XRRA1: variants seen among roughly 807,000 people sequenced by gnomAD.
The protein encoded by XRRA1 is X-ray radiation resistance associated 1.
In XRRA1, 69 loss-of-function variants were observed where a neutral mutation model predicts 80.2. The ratio of observed to expected loss-of-function variants is 0.86; its 90% CI spans 0.71 to 1.05. XRRA1 has a LOEUF of 1.05. XRRA1 is among the 50% of genes least tolerant of loss of function. XRRA1 has a pLI of 0.00. For synonymous variants in XRRA1, 348 were observed against 389.9 expected (o/e 0.89, Z 1.27); for missense variants, 967 against 976.4 (o/e 0.99, Z 0.13).
intron 4 of XRRA1, among the ~76,000 whole-genome samples, chr11:74,934,816 C>G (rs575539027): frequency 1.3e-5 from 2 of 152,058 alleles, no homozygotes; most frequent in South Asian, 4.2e-4. Context: ...TAGCAGGGGG[C>G]TGATAGTAAT....
chr11:74,942,438 T>C (rs1946509807), intron 2 of XRRA1, among the ~76,000 whole-genome samples: 1 of 152,092 alleles, frequency 6.6e-6, no homozygotes, highest in Non-Finnish European at 1.5e-5. Context: ...AGCAGTGAGA[T>C]GGAAGGTAAA....
intron 1 of XRRA1, among the ~76,000 whole-genome samples, chr11:74,946,264 A>G (rs1295669169): frequency 1.3e-5 from 2 of 152,292 alleles, no homozygotes; most frequent in East Asian, 1.9e-4. Context: ...TTCTTAATGG[A>G]GGCACTAACA....
At chr11:74,932,121 G>A (rs905310881) in intron 5 of XRRA1, among the ~76,000 whole-genome samples, 1 of 151,996 alleles carries the variant, frequency 6.6e-6, no homozygotes, top group African/African-American at 2.4e-5. Context: ...ACACATTCTG[G>A]ATCCCAATAC....
At chr11:74,927,559 A>G in intron 6 of XRRA1, 71 bp from the exon 7 acceptor site, 1 of 1,055,972 alleles carries the variant, frequency 9.5e-7, no homozygotes, top group Non-Finnish European at 1.5e-6. Context: ...AATAATTACC[A>G]TTTACTGTGT....
rs2039994322 is a variant in XRRA1, at chr11:74,852,011, G to A, written c.1242C>T (p.Asn414=). The A allele has an allele frequency of 6.2e-7, 1 of 1,613,940 alleles. No homozygotes were observed. Among genetic ancestry groups the A allele is most frequent in the Non-Finnish European group, 8.5e-7 (1 of 1,179,850 alleles). ...PSLCEFVFHN[N]PLVAHTRGVP... Reference sequence around the variant, plus strand: ...TACCTCGTGTATGGGCCACCAGAGGGTTGTTATGAAAGACGAACTCGCAGA... The same window carrying A: ...TACCTCGTGTATGGGCCACCAGAGGATTGTTATGAAAGACGAACTCGCAGA... Residue 414 remains asparagine, a synonymous_variant, in exon 13 of 19, where the codon AAC becomes AAT. Transcript: ENST00000684022.
At position 74,931,326 on chromosome 11, in the gene XRRA1, A is replaced by ATT. The variant is rs548989090; in HGVS notation, c.352-956_352-955dup. On this transcript the variant is annotated intron_variant, in intron 5 of 18. Coordinates refer to ENST00000684022, the MANE Select transcript of XRRA1 (RefSeq NM_001378157.1). ...TGTTGACAGTTGTAGTTCTAGTTCA[A>ATT]TTTTTTTTTTTTTTTTGAGACAAAG... 7.0e-3 allele frequency among the ~76,000 whole-genome samples: 985 copies of ATT among 140,934 alleles called. 12 individuals carry two copies. The highest frequency in any genetic ancestry group is 0.025 in the African/African-American group (940 of 38,280). The allele number at this position is 140,934 out of a possible 152,430, so 92.5% of individuals were successfully genotyped here. A position where few individuals can be genotyped will look rare whatever the true frequency, so the allele number is the denominator to read the frequency against.
rs200978302 is a variant in XRRA1, at chr11:74,852,031, C to T, written c.1222G>A (p.Glu408Lys). 1.1e-5 allele frequency: 17 copies of T among 1,613,780 alleles called. No homozygotes were observed. The highest frequency in any genetic ancestry group is 5.3e-5 in the African/African-American group (4 of 74,896). ...LPVALFPSLC[E>K]FVFHNNPLVA... ...AGAGGGTTGTTATGAAAGACGAACT[C>T]GCAGAGAGATGGGAAGAGAGCTACT... The change falls in exon 13 of 19, where the codon GAG (glutamate) becomes AAG (lysine). Residue 408 changes from glutamate (E) to lysine (K), a missense_variant. Physicochemically the swap from Glu to Lys is moderately conservative, Grantham distance 56 (BLOSUM62 1). Coordinates refer to ENST00000684022, the MANE Select transcript of XRRA1 (RefSeq NM_001378157.1).
chr11:74,894,823 T>C (rs748890064), intron 10 of XRRA1, among the ~76,000 whole-genome samples: 1 of 152,286 alleles, frequency 6.6e-6, no homozygotes, highest in African/African-American at 2.4e-5. Context: ...TATACTATTA[T>C]AGATAAAATT....
At chr11:74,943,891 G>A (rs914832253) in intron 2 of XRRA1, among the ~76,000 whole-genome samples, 3 of 151,742 alleles carry the variant, frequency 2.0e-5, no homozygotes, top group South Asian at 2.1e-4. Context: ...GCACAATCAC[G>A]GCTCATTGTA....
intron 7 of XRRA1, among the ~76,000 whole-genome samples, chr11:74,924,173 T>TA (rs933611753): frequency 2.0e-4 from 29 of 143,452 alleles, no homozygotes; most frequent in South Asian, 7.4e-4. Flanking sequence ...TTGAAAAAAA[T>TA]AAAAAAAAAG....
Position 74,936,972 on chromosome 11 carries a change from G to A in XRRA1, c.191C>T (p.Ala64Val), listed in dbSNP as rs770418311. The change falls in exon 4 of 19, where the codon GCG becomes GTG. Residue 64 changes from alanine to valine, a missense_variant. Transcript: ENST00000684022. ...CTTCCCCTTGAACTCAAAAGAAGTC[G>A]CCTTCAGGCTTTCCCGACGTTCAGC... ...AQAERRESLK[A>V]TSFEFKGKKE... The A allele has an allele frequency of 2.7e-5, 44 of 1,613,562 alleles. No homozygotes were observed. The highest frequency in any genetic ancestry group is 2.2e-4 in the Admixed American group (13 of 59,940).
rs1243626016 is a variant in XRRA1, at chr11:74,848,254, G to A, written c.1589C>T (p.Pro530Leu). 5.6e-6 allele frequency: 9 copies of A among 1,613,916 alleles called. No individual in the cohort carries two copies. Among genetic ancestry groups the A allele is most frequent in the Non-Finnish European group, 7.6e-6 (9 of 1,179,842 alleles). Reference sequence around the variant, plus strand: ...GGAGTTGGAGCAGATGGGAGGCAGTGGCACGAAGGTCCGGCAAGACGGGGA... The same window carrying A: ...GGAGTTGGAGCAGATGGGAGGCAGTAGCACGAAGGTCCGGCAAGACGGGGA... The part of the protein sequence containing the change: ...GHSPSCRTFV[P>L]LPPICSNSTV... Residue 530 changes from proline (P) to leucine (L), a missense_variant, in exon 15 of 19, where the codon CCA becomes CTA. Pro to Leu is a moderately conservative substitution (Grantham distance 98). Coordinates refer to ENST00000684022, the MANE Select transcript of XRRA1 (RefSeq NM_001378157.1).
chr11:74,905,687 T>A (rs200355460), intron 10 of XRRA1, among the ~76,000 whole-genome samples: 1 of 152,258 alleles, frequency 6.6e-6, no homozygotes, highest in East Asian at 1.9e-4. Flanking sequence ...TTTCCAACTT[T>A]TATAAACTAG....
chr11:74,852,631 C>T (rs934279599), intron 12 of XRRA1, among the ~76,000 whole-genome samples: 24 of 152,130 alleles, frequency 1.6e-4, no homozygotes, highest in African/African-American at 4.8e-4. Context: ...TAAGTAGAGC[C>T]AGTGTTAAGA....
intron 3 of XRRA1, among the ~76,000 whole-genome samples, chr11:74,939,846 AG>A (rs1359614664): frequency 1.9e-4 from 9 of 47,082 alleles, no homozygotes; most frequent in African/African-American, 6.4e-4. Context: ...AGTGACATAG[AG>A]AGAGAGAGAG....
intron 15 of XRRA1, 38 bp from the exon 16 acceptor site, chr11:74,845,309 T>C (rs754308845): frequency 3.3e-6 from 5 of 1,524,056 alleles, no homozygotes; most frequent in Non-Finnish European, 4.5e-6. Context: ...TTGTCACTCA[T>C]TCATTCATTC....
Position 74,842,400 on chromosome 11 carries a change from C to T in XRRA1, c.*800G>A, listed in dbSNP as rs1192684869. ...CAAGTTGAGAATACAGTAAAGGAAA[C>T]TCATGAAAGTGGATGTTCTGTTTAT... On this transcript the variant is annotated 3_prime_UTR_variant, in exon 19 of 19. Transcript: ENST00000684022. 6.6e-6 allele frequency: 1 copy of T among 152,246 alleles called. No individual in the cohort carries two copies. The highest frequency in any genetic ancestry group is 1.5e-5 in the Non-Finnish European group (1 of 68,048). 9.4% of individuals were successfully genotyped at this position (152,246 alleles called of 1,614,324 possible).
chr11:74,881,559 C>T (rs1159258172), intron 10 of XRRA1, among the ~76,000 whole-genome samples: 451 of 151,510 alleles, frequency 3.0e-3, no homozygotes, highest in South Asian at 8.2e-3. Flanking sequence ...TTCCTAGTCT[C>T]GATGGTCTTT....
rs764614925 is a variant in XRRA1 at position 74,845,278 on chromosome 11, C to T, written c.1729-7G>A. The T allele has an allele frequency of 2.1e-5, 34 of 1,607,252 alleles. No individual in the cohort carries two copies. The African/African-American group carries it at 4.3e-4, about 20-fold the overall frequency. Reference sequence around the variant, plus strand: ...AGGAAGGCAGTTCACTCACCTGTGCCCAGGAAGAAAACGCATTCATTTGTC... The same window carrying T: ...AGGAAGGCAGTTCACTCACCTGTGCTCAGGAAGAAAACGCATTCATTTGTC... On this transcript the variant is annotated splice_polypyrimidine_tract_variant and splice_region_variant and intron_variant, in intron 15 of 18. Transcript: ENST00000684022.
Sources: allele counts gnomAD v4.1 joint callset (sites outside exome capture counted in the v4.1 genomes callset), GRCh38; gene constraint gnomAD v4.1.1; transcripts MANE v1.5; gene names NCBI Gene and HGNC (gene_info 2026-07-23, HGNC 2026-07-21).